ADAM20: variants seen among roughly 807,000 people sequenced by gnomAD.
The protein encoded by ADAM20 is disintegrin and metalloproteinase domain-containing protein 20.
For missense variants in ADAM20, 871 were observed against 883.2 expected (o/e 0.99, Z 0.18); for synonymous variants, 305 against 310.2 (o/e 0.98, Z 0.18).
At chr14:70,546,088 A>G in the ADAM20 span, among the ~76,000 whole-genome samples, 3 of 152,330 alleles carry the variant, frequency 2.0e-5, no homozygotes, top group Middle Eastern at 6.8e-3. Flanking sequence ...ATTCGACAAT[A>G]AGCTCCTGAA....
the ADAM20 span, among the ~76,000 whole-genome samples, chr14:70,577,349 CATCTT>C: frequency 6.6e-6 from 1 of 152,232 alleles, no homozygotes; most frequent in East Asian, 1.9e-4. Context: ...TGTAATCCAT[CATCTT>C]ATCAGAAGAA....
the ADAM20 span, among the ~76,000 whole-genome samples, chr14:70,564,860 G>C: frequency 2.1e-4 from 31 of 148,628 alleles, no homozygotes; most frequent in African/African-American, 7.7e-4. Flanking sequence ...CAGCCTGGGT[G>C]ACACAGCAAG....
the ADAM20 span, among the ~76,000 whole-genome samples, chr14:70,561,996 T>A: frequency 6.6e-6 from 1 of 152,144 alleles, no homozygotes; most frequent in Non-Finnish European, 1.5e-5. Context: ...AGTGGAACTG[T>A]GAGAAGAGGG....
At chr14:70,553,469 T>A in the ADAM20 span, among the ~76,000 whole-genome samples, 1 of 100,974 alleles carries the variant, frequency 9.9e-6, no homozygotes, top group African/African-American at 4.0e-5. Flanking sequence ...CAAAGACACA[T>A]CAAGAAAAAG....
At chr14:70,561,337 A>G in the ADAM20 span, among the ~76,000 whole-genome samples, 52 of 152,378 alleles carry the variant, frequency 3.4e-4, 1 homozygote, top group African/African-American at 1.3e-3. Flanking sequence ...CTAAAAGTGT[A>G]TGCACATATT....
chr14:70,576,957 T>A, the ADAM20 span, among the ~76,000 whole-genome samples: 76 of 152,274 alleles, frequency 5.0e-4, no homozygotes, highest in African/African-American at 1.8e-3. Flanking sequence ...AAATGTTCCC[T>A]GAGCTGGGCT....
At chr14:70,557,103 T>TGA in the ADAM20 span, 9 of 152,272 alleles carry the variant, frequency 5.9e-5, no homozygotes, top group East Asian at 3.9e-4. Flanking sequence ...ATAATTTGTG[T>TGA]GAGAGTGCAC....
At chr14:70,559,222 T>A in the ADAM20 span, among the ~76,000 whole-genome samples, 2 of 151,670 alleles carry the variant, frequency 1.3e-5, no homozygotes. Flanking sequence ...TAAACCTGCT[T>A]AACACACAGC....
chr14:70,572,656 A>G, the ADAM20 span, among the ~76,000 whole-genome samples: 1 of 152,196 alleles, frequency 6.6e-6, no homozygotes, highest in Non-Finnish European at 1.5e-5. Context: ...CAACACAGTA[A>G]ACAGCCAGCC....
chr14:70,536,110 T>C (rs1310494901), upstream of ADAM20, among the ~76,000 whole-genome samples: 1 of 152,146 alleles, frequency 6.6e-6, no homozygotes, highest in African/African-American at 2.4e-5. Flanking sequence ...CAAATGTGCA[T>C]GGGACATATA....
At chr14:70,529,441 T>A (rs1012679486) in intron 1 of ADAM20, among the ~76,000 whole-genome samples, 1 of 152,148 alleles carries the variant, frequency 6.6e-6, no homozygotes, top group African/African-American at 2.4e-5. Flanking sequence ...CTGAGAAATG[T>A]GTTGTTAGGT....
At chr14:70,566,659 C>T in the ADAM20 span, among the ~76,000 whole-genome samples, 1 of 152,226 alleles carries the variant, frequency 6.6e-6, no homozygotes, top group East Asian at 1.9e-4. Flanking sequence ...GAGATCAACC[C>T]CAGAGAAACC....
At chr14:70,563,060 C>T in the ADAM20 span, among the ~76,000 whole-genome samples, 2 of 152,096 alleles carry the variant, frequency 1.3e-5, no homozygotes, top group African/African-American at 4.8e-5. Context: ...ATTCATATTC[C>T]TTAGCAATCT....
rs958622933 is a variant in ADAM20 at position 70,522,461 on chromosome 14, G to A, written c.*116C>T. ...TAGCTAATGCTTGCAATCCTGACAT[G>A]AAATGTCCATGAAGTTTTATTTAAA... On this transcript the variant is annotated 3_prime_UTR_variant, in exon 2 of 2. Coordinates refer to ENST00000256389, the MANE Select transcript of ADAM20 (RefSeq NM_003814.5). 1 of 1,073,336 alleles carries A rather than the reference G, an allele frequency of 9.3e-7. No individual in the cohort carries two copies. Among genetic ancestry groups the A allele is most frequent in the Admixed American group, 2.9e-5 (1 of 34,500 alleles). 66.5% of individuals were successfully genotyped at this position (1,073,336 alleles called of 1,614,324 possible). A position where few individuals can be genotyped will look rare whatever the true frequency, so the allele number is the denominator to read the frequency against.
chr14:70,564,537 A>G, the ADAM20 span, among the ~76,000 whole-genome samples: 2 of 152,160 alleles, frequency 1.3e-5, no homozygotes, highest in African/African-American at 4.8e-5. Context: ...AAAAGGCAAG[A>G]AAATAGATCT....
rs770014559 is a variant in ADAM20, at chr14:70,523,940, T to A, written c.818A>T (p.Asp273Val). 1.2e-6 allele frequency: 2 copies of A among 1,614,034 alleles called. No homozygotes were observed. Among genetic ancestry groups the A allele is most frequent in the Non-Finnish European group, 1.7e-6 (2 of 1,179,960 alleles). The stretch of plus-strand genomic sequence containing the variant: ...AATAGAAAAGTCCTCTAAAACATTA[T>A]CTAGGTCTCCACTGGTAGGAAGTGG... ...SNPLPTSGDL[D>V]NVLEDFSIWK... Residue 273 changes from aspartate to valine, a missense_variant, in exon 2 of 2, where the codon GAT becomes GTT. Physicochemically the swap from Asp to Val is radical, Grantham distance 152. Transcript: ENST00000256389.
upstream of ADAM20, among the ~76,000 whole-genome samples, chr14:70,539,529 T>C (rs1178834359): frequency 1.3e-5 from 2 of 152,364 alleles, no homozygotes; most frequent in Admixed American, 6.5e-5. Flanking sequence ...GGTTAAGGCA[T>C]ACTCCCTTCT....
chr14:70,565,340 A>C, the ADAM20 span, among the ~76,000 whole-genome samples: 1 of 152,098 alleles, frequency 6.6e-6, no homozygotes, highest in South Asian at 2.1e-4. Context: ...GAGAAAGAGA[A>C]AGCGGTAAAA....
upstream of ADAM20, among the ~76,000 whole-genome samples, chr14:70,538,850 T>C (rs1237242559): frequency 6.6e-6 from 1 of 152,176 alleles, no homozygotes; most frequent in African/African-American, 2.4e-5. Flanking sequence ...CAGGTTGGAG[T>C]GCAGTGGCAC....
Sources: gnomAD v4.1 joint callset for allele counts (sites outside exome capture counted in the v4.1 genomes callset) on GRCh38, gnomAD v4.1.1 for gene constraint, MANE v1.5 for transcripts, NCBI Gene and HGNC (gene_info 2026-07-23, HGNC 2026-07-21) for gene names.